FAT4: variants seen among roughly 807,000 people sequenced by gnomAD.
The protein encoded by FAT4 is protocadherin Fat 4.
Under a neutral mutation model 303.9 loss-of-function variants are expected in FAT4, and 84 were observed. That is an observed-to-expected ratio of 0.28 (90% CI 0.23 to 0.33). The LOEUF is 0.33. FAT4 is among the 10% of genes least tolerant of loss of function. The pLI is 1.00. For missense variants in FAT4, 6,005 were observed against 6,146.8 expected (o/e 0.98, Z 0.77); for synonymous variants, 2,307 against 2,298.8 (o/e 1.00, Z -0.10).
intron 4 of FAT4, 107 bp downstream of exon 4, chr4:125,407,248 C>G (rs1734654962): frequency 1.1e-6 from 1 of 932,114 alleles, no homozygotes; most frequent in Non-Finnish European, 1.6e-6. Flanking sequence ...TAATCATATA[C>G]TACTAGTTAT....
chr4:125,463,001 C>T (rs1383177752), intron 10 of FAT4, among the ~76,000 whole-genome samples: 3 of 151,934 alleles, frequency 2.0e-5, no homozygotes, highest in Middle Eastern at 3.2e-3. Context: ...ACAAAGTATA[C>T]ATAATCTGTA....
chr4:125,483,035 C>A (rs1727283857), intron 16 of FAT4, among the ~76,000 whole-genome samples: 3 of 152,146 alleles, frequency 2.0e-5, no homozygotes, highest in Admixed American at 6.6e-5. Context: ...GTCAAGAATG[C>A]TGCTAAACAG....
chr4:125,383,709 G>C lies in FAT4; in HGVS notation c.5176-15075G>C, dbSNP rs77113927. Among the ~76,000 whole-genome samples the C allele has an allele frequency of 2.0e-3, 298 of 152,168 alleles. 1 individual carries two copies. Among genetic ancestry groups the C allele is most frequent in the African/African-American group, 6.9e-3 (287 of 41,504 alleles). ...GATAAAGGCAAGTGCAATGAAACATGGTTTTCCAGTACGTGATATTAAACC... is the reference window on the plus strand; with the variant it reads ...GATAAAGGCAAGTGCAATGAAACATCGTTTTCCAGTACGTGATATTAAACC... On this transcript the variant is annotated intron_variant, in intron 2 of 17. Coordinates refer to ENST00000394329, the MANE Select transcript of FAT4 (RefSeq NM_001291303.3).
intron 2 of FAT4, among the ~76,000 whole-genome samples, chr4:125,331,649 AT>A (rs1175239414): frequency 6.6e-6 from 1 of 152,140 alleles, no homozygotes; most frequent in Non-Finnish European, 1.5e-5. Flanking sequence ...CTTCAACCTT[AT>A]CTAATTTTGC....
intron 3 of FAT4, among the ~76,000 whole-genome samples, chr4:125,402,363 T>A (rs1734420202): frequency 6.6e-6 from 1 of 151,996 alleles, no homozygotes. Flanking sequence ...ACTAAAATAA[T>A]GGAATTCCTA....
In FAT4 at chr4:125,467,751, A is replaced by T. The variant is rs1036215504; in HGVS notation, c.11906-761A>T. On this transcript the variant is annotated intron_variant, in intron 11 of 17. Coordinates refer to ENST00000394329, the MANE Select transcript of FAT4 (RefSeq NM_001291303.3). Reference sequence around the variant, plus strand: ...TAACATGAATATAGGTACTGATTTTAAAAAAATCAAAACAAATGCATTTGC... The same window carrying T: ...TAACATGAATATAGGTACTGATTTTTAAAAAATCAAAACAAATGCATTTGC... Among the ~76,000 whole-genome samples, 7 of 152,340 alleles carry T rather than the reference A, an allele frequency of 4.6e-5. 1 individual carries two copies. The highest frequency in any genetic ancestry group is 2.6e-4 in the Admixed American group (4 of 15,306).
chr4:125,489,209 T>C (rs1218062335), intron 17 of FAT4, among the ~76,000 whole-genome samples: 1 of 152,224 alleles, frequency 6.6e-6, no homozygotes, highest in Non-Finnish European at 1.5e-5. Flanking sequence ...GGCCCTGAGA[T>C]AGGAATATCA....
chr4:125,459,887 A>G (rs1179125185), intron 10 of FAT4, among the ~76,000 whole-genome samples: 3 of 152,092 alleles, frequency 2.0e-5, no homozygotes, highest in Admixed American at 1.3e-4. Flanking sequence ...TAACACTACA[A>G]TTTAAGTAGA....
In FAT4 at chr4:125,315,370, G is replaced by A. The variant is rs946365445; in HGVS notation, c.-620G>A. On this transcript the variant is annotated 5_prime_UTR_variant, in exon 1 of 18. Coordinates refer to ENST00000394329, the MANE Select transcript of FAT4 (RefSeq NM_001291303.3). ...TGGATTACAAAGTGAAACTGACACGGGACAATAAAAGCAGAGATAGCGAGG... is the reference window on the plus strand; with the variant it reads ...TGGATTACAAAGTGAAACTGACACGAGACAATAAAAGCAGAGATAGCGAGG... Among the ~76,000 whole-genome samples the A allele has an allele frequency of 1.3e-5, 2 of 152,150 alleles. No individual in the cohort carries two copies. The highest frequency in any genetic ancestry group is 4.8e-5 in the African/African-American group (2 of 41,450).
At chr4:125,474,455 C>G (rs771523041) in intron 12 of FAT4, among the ~76,000 whole-genome samples, 1 of 151,714 alleles carries the variant, frequency 6.6e-6, no homozygotes, top group Non-Finnish European at 1.5e-5. Context: ...AAAGAGTAAA[C>G]TAAATGGGGC....
chr4:125,471,257 A>G (rs1347562584), intron 12 of FAT4, among the ~76,000 whole-genome samples: 2 of 152,252 alleles, frequency 1.3e-5, no homozygotes, highest in East Asian at 1.9e-4. Context: ...ATAATGAAAT[A>G]TTTGAAATAT....
chr4:125,318,169 A>G lies in FAT4; in HGVS notation c.1758A>G (p.Glu586=). ...AAAAGCCAGTATTTAGCCAGCCAGA[A>G]GGGTATGATGTGTCTGTGGTTGAGA... ...NDEKPVFSQP[E]GYDVSVVENA... Residue 586 remains glutamate, a synonymous_variant, in exon 2 of 18, where the codon GAA becomes GAG. Coordinates refer to ENST00000394329, the MANE Select transcript of FAT4 (RefSeq NM_001291303.3). 7 of 1,614,194 alleles carry G rather than the reference A, an allele frequency of 4.3e-6. No homozygotes were observed. Among genetic ancestry groups the G allele is most frequent in the Non-Finnish European group, 5.9e-6 (7 of 1,180,038 alleles).
chr4:125,482,406 T>C (rs1727260205), intron 16 of FAT4, among the ~76,000 whole-genome samples: 1 of 152,198 alleles, frequency 6.6e-6, no homozygotes, highest in Admixed American at 6.5e-5. Context: ...ACTAGACTTA[T>C]ATACAGATGA....
At chr4:125,385,134 G>A (rs1461986442) in intron 2 of FAT4, among the ~76,000 whole-genome samples, 1 of 150,048 alleles carries the variant, frequency 6.7e-6, no homozygotes, top group Non-Finnish European at 1.5e-5. Context: ...CAATTCTTCT[G>A]CCTCAGCCTC....
At chr4:125,393,538 C>T (rs993033185) in intron 2 of FAT4, among the ~76,000 whole-genome samples, 1 of 151,990 alleles carries the variant, frequency 6.6e-6, no homozygotes, top group Admixed American at 6.6e-5. Context: ...AAATTAATCC[C>T]CATGTATAAT....
chr4:125,318,339 C>T lies in FAT4; in HGVS notation c.1928C>T (p.Thr643Ile). The T allele has an allele frequency of 6.2e-7, 1 of 1,614,214 alleles. No homozygotes were observed. Among genetic ancestry groups the T allele is most frequent in the Non-Finnish European group, 8.5e-7 (1 of 1,180,044 alleles). ...GATCCTGTGTCTGGGAGGTTGAGTA[C>T]TATTTCCTCCTTGGACAGAGAAGAG... is the stretch of plus-strand genomic sequence containing the variant. ...RLDPVSGRLS[T>I]ISSLDREEQA... Residue 643 changes from threonine to isoleucine, a missense_variant, in exon 2 of 18, where the codon ACT becomes ATT. By Grantham distance (89) the Thr-to-Ile change is moderately conservative. Coordinates refer to ENST00000394329, the MANE Select transcript of FAT4 (RefSeq NM_001291303.3).
chr4:125,397,372 C>T (rs1734226693), intron 2 of FAT4, among the ~76,000 whole-genome samples: 1 of 152,084 alleles, frequency 6.6e-6, no homozygotes, highest in Non-Finnish European at 1.5e-5. Flanking sequence ...AATTCTAAAA[C>T]CCATGATATT....
In FAT4 at chr4:125,450,716, C is replaced by T; in HGVS notation, c.9706C>T (p.Gln3236Ter). 1 of 1,614,030 alleles carries T rather than the reference C, an allele frequency of 6.2e-7. No homozygotes were observed. The highest frequency in any genetic ancestry group is 8.5e-7 in the Non-Finnish European group (1 of 1,179,976). ...AAATGCTGTGATTGCGTATACTGTA[C>T]AGTCATCTGACAGTGACCTCTTTGT... ...GTNAVIAYTV[Q>*]SSDSDLFVID... Residue 3236 changes from glutamine (Q) to a stop codon, truncating the protein, a stop_gained, in exon 10 of 18, where the codon CAG becomes TAG. Coordinates refer to ENST00000394329, the MANE Select transcript of FAT4 (RefSeq NM_001291303.3). LOFTEE classifies it high-confidence loss of function.
At chr4:125,323,983 T>A (rs764572116) in intron 2 of FAT4, among the ~76,000 whole-genome samples, 39 of 152,240 alleles carry the variant, frequency 2.6e-4, no homozygotes, top group Non-Finnish European at 4.3e-4. Flanking sequence ...GCTCTGACAT[T>A]TGGGGTAAGA....
Sources: allele counts gnomAD v4.1 joint callset (sites outside exome capture counted in the v4.1 genomes callset), GRCh38; gene constraint gnomAD v4.1.1; transcripts MANE v1.5; gene names NCBI Gene and HGNC (gene_info 2026-07-23, HGNC 2026-07-21).